Variants in COL21A1 observed in about 807,000 individuals in gnomAD.
The protein encoded by COL21A1 is collagen type XXI alpha 1 chain.
In COL21A1, 149 loss-of-function variants were observed where a neutral mutation model predicts 137.9. The observed-to-expected ratio is 1.08, with a 90% confidence interval of 0.95 to 1.24. COL21A1 has a LOEUF of 1.24. COL21A1 is among the 50% of genes most tolerant of loss of function. COL21A1 has a pLI of 0.00. For synonymous variants in COL21A1, 456 were observed against 391.5 expected, an observed-to-expected ratio of 1.16 and a Z score of -1.95; for missense variants, 1,167 against 1,158.4, an observed-to-expected ratio of 1.01 and a Z score of -0.11.
chr6:56,378,936 G>A (rs2094004389), intron 1 of COL21A1, among the ~76,000 whole-genome samples: 1 of 152,194 alleles, frequency 6.6e-6, no homozygotes, highest in African/African-American at 2.4e-5. Flanking sequence ...GAGTCTCTGG[G>A]TAATCCAGAG....
intron 16 of COL21A1, 38 bp from the exon 17 acceptor site, chr6:56,101,563 T>C: frequency 7.0e-7 from 1 of 1,434,880 alleles, no homozygotes; most frequent in Non-Finnish European, 9.6e-7. Context: ...GAGAATTCAG[T>C]TTTGAGGTCT....
intron 1 of COL21A1, among the ~76,000 whole-genome samples, chr6:56,386,438 A>AT (rs976408725): frequency 5.9e-5 from 9 of 152,084 alleles, no homozygotes; most frequent in Admixed American, 5.2e-4. Context: ...CTGTTTTCAG[A>AT]TTTTTTTACT....
intron 1 of COL21A1, among the ~76,000 whole-genome samples, chr6:56,209,053 C>A (rs1779982428): frequency 1.3e-5 from 2 of 151,964 alleles, no homozygotes; most frequent in Non-Finnish European, 2.9e-5. Context: ...TAAACTGAGA[C>A]CTAAAACAAT....
chr6:56,147,777 G>C (rs1774951119), intron 10 of COL21A1, among the ~76,000 whole-genome samples: 1 of 152,122 alleles, frequency 6.6e-6, no homozygotes, highest in Non-Finnish European at 1.5e-5. Flanking sequence ...CACAGAAGGA[G>C]AATGTTGAAG....
At chr6:56,137,013 G>A (rs1330346604) in intron 12 of COL21A1, among the ~76,000 whole-genome samples, 1 of 152,110 alleles carries the variant, frequency 6.6e-6, no homozygotes, top group African/African-American at 2.4e-5. Context: ...AAGTCACACA[G>A]TGAAAAACTA....
intron 1 of COL21A1, among the ~76,000 whole-genome samples, chr6:56,245,067 T>C (rs1348727277): frequency 6.6e-6 from 1 of 152,196 alleles, no homozygotes; most frequent in Non-Finnish European, 1.5e-5. Flanking sequence ...TCCTCTTATA[T>C]TTTCTTGAAC....
chr6:56,237,888 A>C (rs1230264439), intron 1 of COL21A1, among the ~76,000 whole-genome samples: 1 of 152,094 alleles, frequency 6.6e-6, no homozygotes, highest in East Asian at 1.9e-4. Context: ...ATTGATTCTG[A>C]TTCTCCCAGT....
At chr6:56,165,965 T>C (rs9370485) in intron 7 of COL21A1, among the ~76,000 whole-genome samples, 98,043 of 151,426 alleles carry the variant, frequency 0.65, 32,107 homozygotes, top group East Asian at 0.86. Flanking sequence ...GATGCTATAA[T>C]ATTTTAGCTC....
intron 1 of COL21A1, among the ~76,000 whole-genome samples, chr6:56,339,126 C>G (rs992708298): frequency 2.7e-4 from 41 of 152,248 alleles, no homozygotes; most frequent in East Asian, 1.2e-3. Context: ...CACTTCCCCC[C>G]AGGAACCACA....
intron 17 of COL21A1, among the ~76,000 whole-genome samples, chr6:56,092,681 A>G (rs1768951979): frequency 6.6e-6 from 1 of 152,162 alleles, no homozygotes; most frequent in African/African-American, 2.4e-5. Flanking sequence ...ACAGTTTGCA[A>G]TATACACCAA....
chr6:56,347,809 C>T (rs887595232), intron 1 of COL21A1, among the ~76,000 whole-genome samples: 4 of 152,010 alleles, frequency 2.6e-5, no homozygotes, highest in African/African-American at 9.7e-5. Flanking sequence ...AGAACCAAAA[C>T]CAAAAAATAA....
At chr6:56,201,254 T>G (rs1779389747) in intron 1 of COL21A1, among the ~76,000 whole-genome samples, 1 of 152,178 alleles carries the variant, frequency 6.6e-6, no homozygotes, top group Non-Finnish European at 1.5e-5. Context: ...TTCTGTAGGT[T>G]GCCTGTTCAC....
At chr6:56,363,605 T>C (rs886181458) in intron 1 of COL21A1, among the ~76,000 whole-genome samples, 1 of 152,218 alleles carries the variant, frequency 6.6e-6, no homozygotes, top group Non-Finnish European at 1.5e-5. Context: ...GTGAAGTTCC[T>C]AGGAGGGGCC....
intron 1 of COL21A1, among the ~76,000 whole-genome samples, chr6:56,266,950 G>T (rs1189500061): frequency 6.6e-6 from 1 of 152,180 alleles, no homozygotes; most frequent in African/African-American, 2.4e-5. Context: ...AGCTCGGGCA[G>T]AATGTACATA....
intron 16 of COL21A1, among the ~76,000 whole-genome samples, chr6:56,120,098 A>G (rs1391953758): frequency 2.0e-5 from 3 of 152,196 alleles, no homozygotes; most frequent in Non-Finnish European, 2.9e-5. Flanking sequence ...TACAATCAAC[A>G]AAGTGAAGAG....
intron 16 of COL21A1, among the ~76,000 whole-genome samples, chr6:56,113,658 C>G (rs778054413): frequency 6.6e-6 from 1 of 152,156 alleles, no homozygotes; most frequent in African/African-American, 2.4e-5. Context: ...TGGGGTAAAA[C>G]TCCTTCTGCT....
chr6:56,241,339 C>A (rs2152325163), intron 1 of COL21A1, among the ~76,000 whole-genome samples: 1 of 152,272 alleles, frequency 6.6e-6, no homozygotes, highest in East Asian at 1.9e-4. Context: ...TTGGCCGGCA[C>A]CTTGAGCTTG....
At chr6:56,294,981 T>A (rs57818602) in intron 1 of COL21A1, among the ~76,000 whole-genome samples, 19,559 of 151,954 alleles carry the variant, frequency 0.13, 1,333 homozygotes, top group Middle Eastern at 0.2. Flanking sequence ...TCATGAATAG[T>A]GTTTTTGGTA....
chr6:56,310,432 T>A (rs1342192712), intron 1 of COL21A1, among the ~76,000 whole-genome samples: 6 of 152,160 alleles, frequency 3.9e-5, no homozygotes, highest in African/African-American at 1.4e-4. Context: ...GTATCAGTAT[T>A]TTTAGCACTC....
Sources: gnomAD v4.1 joint callset for allele counts (sites outside exome capture counted in the v4.1 genomes callset) on GRCh38, gnomAD v4.1.1 for gene constraint, MANE v1.5 for transcripts, NCBI Gene and HGNC (gene_info 2026-07-23, HGNC 2026-07-21) for gene names.